PARL: variants seen among roughly 807,000 people sequenced by gnomAD.
The protein encoded by PARL is presenilin-associated rhomboid-like protein, mitochondrial.
In PARL, 44 loss-of-function variants were observed where a neutral mutation model predicts 51.6. That is an observed-to-expected ratio of 0.85 (90% CI 0.67 to 1.10). The LOEUF is 1.10. Among genes scored for constraint, PARL ranks in the 50% least tolerant of loss-of-function variants. The pLI, the probability that PARL is intolerant of heterozygous loss-of-function variation, is 0.00. For missense variants in PARL, 441 were observed against 469.5 expected (o/e 0.94, Z 0.56); for synonymous variants, 172 against 164.0 (o/e 1.05, Z -0.37).
chr3:183,855,620 A>G (rs1033496391), intron 4 of PARL, among the ~76,000 whole-genome samples: 3 of 152,186 alleles, frequency 2.0e-5, no homozygotes, highest in Admixed American at 6.5e-5. Flanking sequence ...TAATTACACA[A>G]CTTATCAACT....
At chr3:183,876,360 T>C (rs1409893533) in intron 1 of PARL, among the ~76,000 whole-genome samples, 1 of 152,048 alleles carries the variant, frequency 6.6e-6, no homozygotes, top group African/African-American at 2.4e-5. Flanking sequence ...TTACCAAATA[T>C]TTTAAGCCCA....
At chr3:183,828,040 G>A (rs1036656223), downstream of PARL, among the ~76,000 whole-genome samples, 1 of 152,248 alleles carries the variant, frequency 6.6e-6, no homozygotes, top group Non-Finnish European at 1.5e-5. Flanking sequence ...GAAGCCAAGA[G>A]GAGAAAGTGA....
rs1209073220 is a variant in PARL at position 183,882,204 on chromosome 3, TAAAAAA to T, written c.125+2512_125+2517del. Among the ~76,000 whole-genome samples, 44 of 61,442 alleles carry T rather than the reference TAAAAAA, an allele frequency of 7.2e-4. 2 individuals are homozygous for T. In the East Asian group the frequency reaches 0.019, roughly 27 times the overall value. 40.3% of individuals were successfully genotyped at this position (61,442 alleles called of 152,430 possible). ...GGGAAACAGAGCAAGACAATGTCTC[TAAAAAA>T]AAAAAAAAAAAAATATATATATATA... On this transcript the variant is annotated intron_variant, in intron 1 of 9. Transcript: ENST00000317096.
chr3:183,840,709 C>CTTTTT, intron 6 of PARL, 69 bp from the exon 7 acceptor site: 14 of 608,670 alleles, frequency 2.3e-5, no homozygotes, highest in East Asian at 6.5e-5. Context: ...TTTTTCTTTT[C>CTTTTT]TTTTTTTTTT....
In PARL at chr3:183,884,765, C is replaced by G. The variant is rs900405861; in HGVS notation, c.82G>C (p.Glu28Gln). The G allele has an allele frequency of 6.3e-7, 1 of 1,582,516 alleles. No homozygotes were observed. The highest frequency in any genetic ancestry group is 1.1e-5 in the South Asian group (1 of 88,456). Residue 28 changes from glutamate (E) to glutamine (Q), a missense_variant, in exon 1 of 10, where the codon GAG becomes CAG. Physicochemically the swap from Glu to Gln is conservative, Grantham distance 29. Coordinates refer to ENST00000317096, the MANE Select transcript of PARL (RefSeq NM_018622.7). Reference sequence around the variant, plus strand: ...GGCGGGGTTAGGACCGCAGTGAGCTCCTCGCAGCTGCGGCCGCCCACCGAC... The same window carrying G: ...GGCGGGGTTAGGACCGCAGTGAGCTGCTCGCAGCTGCGGCCGCCCACCGAC... The part of the protein sequence containing the change: ...GASVGGRSCE[E>Q]LTAVLTPPQL...
chr3:183,849,920 C>T (rs1397751305), intron 4 of PARL, among the ~76,000 whole-genome samples: 1 of 152,104 alleles, frequency 6.6e-6, no homozygotes, highest in East Asian at 1.9e-4. Flanking sequence ...TATATACCAA[C>T]AAATGAGAAT....
chr3:183,857,997 G>C (rs969125366), intron 4 of PARL, among the ~76,000 whole-genome samples: 1 of 152,200 alleles, frequency 6.6e-6, no homozygotes, highest in African/African-American at 2.4e-5. Context: ...CAGTTACTTG[G>C]CCGTTCCTTG....
At chr3:183,856,740 T>C (rs141607734) in intron 4 of PARL, among the ~76,000 whole-genome samples, 2 of 152,378 alleles carry the variant, frequency 1.3e-5, no homozygotes, top group East Asian at 3.9e-4. Flanking sequence ...CAGATGAGAA[T>C]ATCTAACCTC....
intron 5 of PARL, among the ~76,000 whole-genome samples, chr3:183,842,748 C>A (rs1173667146): frequency 8.1e-6 from 1 of 123,568 alleles, no homozygotes; most frequent in Non-Finnish European, 1.6e-5. Flanking sequence ...GTAGAGTTTG[C>A]AGTGAGCCAA....
intron 1 of PARL, among the ~76,000 whole-genome samples, chr3:183,882,247 A>ATATATATATATATATATATATTTT (rs1734584081): frequency 4.3e-5 from 1 of 23,314 alleles, no homozygotes; most frequent in Non-Finnish European, 1.1e-4. Context: ...ATATATATTT[A>ATATATATATATATATATATATTTT]TATATATATA....
In PARL at chr3:183,884,817, G is replaced by A. The variant is rs766769808; in HGVS notation, c.30C>T (p.Gly10=). The change falls in exon 1 of 10, where the codon GGC becomes GGT. Residue 10 remains glycine (G), a synonymous_variant. Transcript: ENST00000317096. MAWRGWAQR[G]WGCGQAWGAS... is the part of the protein sequence containing the mutation. ...CACCCCACGCCTGGCCGCAGCCCCA[G>A]CCTCTCTGCGCCCAGCCTCGCCACG... 1.7e-5 allele frequency: 27 copies of A among 1,596,998 alleles called. No individual in the cohort carries two copies. The highest frequency in any genetic ancestry group is 2.2e-5 in the Non-Finnish European group (26 of 1,178,858).
chr3:183,866,925 CTTTTT>C (rs1732557041), intron 2 of PARL, among the ~76,000 whole-genome samples, 160 bp from the exon 3 acceptor site: 1 of 132,122 alleles, frequency 7.6e-6, no homozygotes, highest in East Asian at 2.6e-4. Flanking sequence ...TTTTTTTTTT[CTTTTT>C]GAGATGGAGT....
chr3:183,861,635 AAATT>A (rs1731839370), intron 4 of PARL, among the ~76,000 whole-genome samples: 1 of 152,194 alleles, frequency 6.6e-6, no homozygotes, highest in East Asian at 1.9e-4. Context: ...TAAGTACAGA[AAATT>A]AAGAGTACAA....
intron 7 of PARL, among the ~76,000 whole-genome samples, chr3:183,839,781 G>A (rs1729074829): frequency 6.6e-6 from 1 of 151,942 alleles, no homozygotes; most frequent in South Asian, 2.1e-4. Flanking sequence ...CACCCAGGCT[G>A]GGGTGCAGTG....
intron 9 of PARL, 54 bp downstream of exon 9, chr3:183,833,438 G>A: frequency 9.5e-7 from 1 of 1,048,362 alleles, no homozygotes; most frequent in Middle Eastern, 2.9e-4. Flanking sequence ...GCTGGGGTAG[G>A]AGGAGCGCAT....
intron 1 of PARL, among the ~76,000 whole-genome samples, chr3:183,869,472 T>C (rs1248083272): frequency 1.3e-5 from 2 of 152,142 alleles, no homozygotes; most frequent in Non-Finnish European, 2.9e-5. Context: ...CCTCCCAAAG[T>C]GCTAGGATTA....
intron 7 of PARL, among the ~76,000 whole-genome samples, chr3:183,836,279 T>C (rs1437618358): frequency 2.7e-5 from 4 of 149,066 alleles, no homozygotes; most frequent in African/African-American, 7.5e-5. Flanking sequence ...TACTATTCCA[T>C]AGATGATTAT....
intron 6 of PARL, among the ~76,000 whole-genome samples, chr3:183,842,048 C>T (rs767127500): frequency 2.0e-5 from 3 of 152,172 alleles, no homozygotes; most frequent in Non-Finnish European, 4.4e-5. Flanking sequence ...CCTTACTTAA[C>T]GCCTGTTTAT....
In PARL at chr3:183,861,838, G is replaced by A. The variant is rs533204253; in HGVS notation, c.511+915C>T. On this transcript the variant is annotated intron_variant, in intron 4 of 9. Transcript: ENST00000317096. ...TCACCCAGGTTGGAGTGTAATAGTA[G>A]GACCACAGCTCACTGCAACCTCTGC... Among the ~76,000 whole-genome samples, 36 of 152,084 alleles carry A rather than the reference G, an allele frequency of 2.4e-4. 1 individual carries two copies. In the South Asian group the frequency reaches 3.5e-3, roughly 15 times the overall value.
Sources: allele counts gnomAD v4.1 joint callset (sites outside exome capture counted in the v4.1 genomes callset), GRCh38; gene constraint gnomAD v4.1.1; transcripts MANE v1.5; gene names NCBI Gene and HGNC (gene_info 2026-07-23, HGNC 2026-07-21).